Variants in USH2A observed in about 807,000 individuals in gnomAD.
USH2A encodes the protein usherin.
Under a neutral mutation model 538.9 loss-of-function variants are expected in USH2A, and 443 were observed. That is an observed-to-expected ratio of 0.82 (90% CI 0.76 to 0.89). The LOEUF (loss-of-function observed/expected upper bound fraction) is 0.89. Ranked by LOEUF, USH2A falls within the 40% of genes least tolerant of loss-of-function variation. The pLI, the probability that USH2A is intolerant of heterozygous loss-of-function variation, is 0.00. For missense variants in USH2A, 6,633 were observed against 6,324.8 expected, an observed-to-expected ratio of 1.05 and a Z score of -1.65; for synonymous variants, 2,413 against 2,273.5, an observed-to-expected ratio of 1.06 and a Z score of -1.75.
At chr1:215,931,322 G>A (rs1298968351) in intron 38 of USH2A, among the ~76,000 whole-genome samples, 3 of 151,936 alleles carry the variant, frequency 2.0e-5, no homozygotes, top group African/African-American at 7.2e-5. Flanking sequence ...TACAAATTAA[G>A]AGATGATGTA....
At position 215,634,609 on chromosome 1, in the gene USH2A, C is replaced by T. The variant is rs1219051423; in HGVS notation, c.15147G>A (p.Met5049Ile). The change falls in exon 70 of 72, where the codon ATG becomes ATA. Residue 5049 changes from methionine to isoleucine, a missense_variant. Physicochemically the swap from Met to Ile is conservative, Grantham distance 10 (BLOSUM62 1). Coordinates refer to ENST00000307340, the MANE Select transcript of USH2A (RefSeq NM_206933.4). ...SELWFIVLMA[M>I]LGLILLAIFL... ...AAATGGCCAACAAGATCAAGCCCAG[C>T]ATCGCCATTAACACTATGAACCACA... The T allele has an allele frequency of 6.2e-7, 1 of 1,614,102 alleles. No homozygotes were observed. Among genetic ancestry groups the T allele is most frequent in the Non-Finnish European group, 8.5e-7 (1 of 1,180,046 alleles).
intron 17 of USH2A, among the ~76,000 whole-genome samples, 179 bp from the exon 18 acceptor site, chr1:216,198,763 A>G (rs2034914278): frequency 6.6e-6 from 1 of 152,204 alleles, no homozygotes; most frequent in Admixed American, 6.6e-5. Flanking sequence ...TCTAGATGAC[A>G]GGTACATAGA....
rs371474911 is a variant in USH2A, at chr1:216,333,286, G to T, written c.785-5632C>A. Among the ~76,000 whole-genome samples, 22 of 151,846 alleles carry T rather than the reference G, an allele frequency of 1.4e-4. No individual in the cohort carries two copies. In the East Asian group the frequency reaches 2.1e-3, roughly 15 times the overall value. ...GTGAGACCTCATTTCATCAAAAAAA[G>T]AAAAAATAAATAGAAAATAGAAAAC... On this transcript the variant is annotated intron_variant, in intron 4 of 71. Coordinates refer to ENST00000307340, the MANE Select transcript of USH2A (RefSeq NM_206933.4).
chr1:216,192,740 C>G (rs2034746020), intron 19 of USH2A, among the ~76,000 whole-genome samples: 1 of 151,906 alleles, frequency 6.6e-6, no homozygotes, highest in Non-Finnish European at 1.5e-5. Flanking sequence ...GGTGATATAT[C>G]TATGTCCTTA....
At chr1:216,215,762 T>C (rs1184940074) in intron 15 of USH2A, among the ~76,000 whole-genome samples, 2 of 152,106 alleles carry the variant, frequency 1.3e-5, no homozygotes, top group Non-Finnish European at 2.9e-5. Context: ...CCAAAAGGAA[T>C]ATGTCCAGGG....
intron 8 of USH2A, 142 bp downstream of exon 8, chr1:216,323,332 A>T: frequency 1.6e-6 from 1 of 618,738 alleles, no homozygotes; most frequent in Non-Finnish European, 2.8e-6. Context: ...AGACTCACAT[A>T]CAGATCTTCC....
At chr1:215,900,311 T>G in intron 39 of USH2A, 94 bp from the exon 40 acceptor site, 1 of 1,292,168 alleles carries the variant, frequency 7.7e-7, no homozygotes, top group Non-Finnish European at 1.1e-6. Flanking sequence ...TTAGAGGATG[T>G]CAACATACAT....
At chr1:216,403,173 A>G (rs576200931) in intron 3 of USH2A, among the ~76,000 whole-genome samples, 1 of 152,306 alleles carries the variant, frequency 6.6e-6, no homozygotes, top group Non-Finnish European at 1.5e-5. Flanking sequence ...AATAGACTAA[A>G]GAAGAAAAAT....
intron 20 of USH2A, among the ~76,000 whole-genome samples, chr1:216,178,675 AT>A (rs2034436903): frequency 6.6e-6 from 1 of 152,062 alleles, no homozygotes; most frequent in South Asian, 2.1e-4. Flanking sequence ...GTAATATCCA[AT>A]AGCCAAAAAC....
At chr1:216,069,936 G>A (rs2031500609) in intron 30 of USH2A, among the ~76,000 whole-genome samples, 165 bp downstream of exon 30, 1 of 152,082 alleles carries the variant, frequency 6.6e-6, no homozygotes. Flanking sequence ...TTTTATCCTA[G>A]GTAGATGCAG....
rs749440063 is a variant in USH2A, at chr1:215,879,129, TG to T, written c.8224-32del. The T allele has an allele frequency of 3.7e-5, 59 of 1,585,490 alleles. 1 individual carries two copies. The highest frequency in any genetic ancestry group is 4.8e-5 in the Non-Finnish European group (56 of 1,154,638). On this transcript the variant is annotated intron_variant, in intron 41 of 71. Transcript: ENST00000307340. ...ATGAAAGATAAACTTAGAATCAGTG[TG>T]ACGATACAGGAATAGAGCAATTGAA... is the stretch of plus-strand genomic sequence containing the variant.
chr1:216,386,483 TCAAAAAAACAAACAAA>T lies in USH2A; in HGVS notation c.652-21414_652-21399del, dbSNP rs1391314909. On this transcript the variant is annotated intron_variant, in intron 3 of 71. Coordinates refer to ENST00000307340, the MANE Select transcript of USH2A (RefSeq NM_206933.4). ...CCTGGGCGACAGAGCGAGACTCGTC[TCAAAAAAACAAACAAA>T]CAAACAAACAAACAAACAAACAAAA... Among the ~76,000 whole-genome samples, 14 of 93,736 alleles carry T rather than the reference TCAAAAAAACAAACAAA, an allele frequency of 1.5e-4. 1 individual carries two copies. Among genetic ancestry groups the T allele is most frequent in the Admixed American group, 8.5e-4 (6 of 7,058 alleles). 61.5% of individuals were successfully genotyped at this position (93,736 alleles called of 152,430 possible).
chr1:215,905,715 C>A (rs891058947), intron 38 of USH2A, among the ~76,000 whole-genome samples: 3 of 152,088 alleles, frequency 2.0e-5, no homozygotes, highest in Middle Eastern at 3.4e-3. Flanking sequence ...CAGCCTCATT[C>A]CCTAGGGCTC....
At chr1:215,717,469 G>A (rs968241607) in intron 61 of USH2A, among the ~76,000 whole-genome samples, 2 of 152,082 alleles carry the variant, frequency 1.3e-5, no homozygotes, top group Non-Finnish European at 2.9e-5. Flanking sequence ...AGTCTTCCTA[G>A]GTTCTTGTAA....
At chr1:215,680,713 C>A (rs1658200243) in intron 61 of USH2A, among the ~76,000 whole-genome samples, 1 of 151,708 alleles carries the variant, frequency 6.6e-6, no homozygotes, top group Non-Finnish European at 1.5e-5. Context: ...CTGCATCCAG[C>A]TCAAAATGGA....
intron 20 of USH2A, among the ~76,000 whole-genome samples, chr1:216,177,037 T>C (rs987982122): frequency 3.6e-4 from 55 of 152,312 alleles, no homozygotes; most frequent in African/African-American, 1.3e-3. Flanking sequence ...CATCTAATTA[T>C]ATATCAGGGT....
At position 215,690,048 on chromosome 1, in the gene USH2A, G is replaced by A. The variant is rs571053387; in HGVS notation, c.12067-9672C>T. Among the ~76,000 whole-genome samples, 9 of 152,286 alleles carry A rather than the reference G, an allele frequency of 5.9e-5. No homozygotes were observed. The South Asian group carries it at 1.9e-3, about 32-fold the overall frequency. The stretch of plus-strand genomic sequence containing the variant: ...TTTGGAGAATGAAAGTAAATCAGTG[G>A]CCATTACTCTTCGAAGTTGGTTGAA... On this transcript the variant is annotated intron_variant, in intron 61 of 71. Transcript: ENST00000307340.
At chr1:216,065,148 C>A (rs564348366) in intron 30 of USH2A, among the ~76,000 whole-genome samples, 4 of 152,264 alleles carry the variant, frequency 2.6e-5, no homozygotes, top group Non-Finnish European at 5.9e-5. Flanking sequence ...GTATGACATG[C>A]CTTTTGAGTA....
chr1:216,241,857 G>A (rs1194045088), intron 13 of USH2A, among the ~76,000 whole-genome samples: 2 of 152,084 alleles, frequency 1.3e-5, no homozygotes, highest in Admixed American at 6.6e-5. Flanking sequence ...TCTTAGTCAC[G>A]ATTTGCCTAA....
Sources: allele counts gnomAD v4.1 joint callset (sites outside exome capture counted in the v4.1 genomes callset), GRCh38; gene constraint gnomAD v4.1.1; transcripts MANE v1.5; gene names NCBI Gene and HGNC (gene_info 2026-07-23, HGNC 2026-07-21).